DPP10: variants seen among roughly 807,000 people sequenced by gnomAD.
The protein encoded by DPP10 is inactive dipeptidyl peptidase 10.
Under a neutral mutation model 120.9 loss-of-function variants are expected in DPP10, and 33 were observed. The ratio of observed to expected loss-of-function variants is 0.27; its 90% CI spans 0.21 to 0.37. The LOEUF (loss-of-function observed/expected upper bound fraction) is 0.37. DPP10 is among the 10% of genes least tolerant of loss of function. The pLI is 1.00. For missense variants in DPP10, 816 were observed against 942.8 expected, an observed-to-expected ratio of 0.87 and a Z score of 1.76; for synonymous variants, 337 against 326.1, an observed-to-expected ratio of 1.03 and a Z score of -0.36.
chr2:115,167,012 A>G lies in DPP10; in HGVS notation c.61-142227A>G, dbSNP rs187494024. On this transcript the variant is annotated intron_variant, in intron 1 of 25. Coordinates refer to ENST00000410059, the MANE Select transcript of DPP10 (RefSeq NM_020868.6). ...AACAAATATTTATTCATCACTGTCTATGGGTTATGCACTGGAAGTCACAGA... is the reference window on the plus strand; with the variant it reads ...AACAAATATTTATTCATCACTGTCTGTGGGTTATGCACTGGAAGTCACAGA... 2.8e-4 allele frequency among the ~76,000 whole-genome samples: 42 copies of G among 152,302 alleles called. 1 individual carries two copies. The highest frequency in any genetic ancestry group is 9.9e-4 in the African/African-American group (41 of 41,566).
At chr2:115,519,051 T>A (rs1458137217) in intron 4 of DPP10, among the ~76,000 whole-genome samples, 1 of 152,194 alleles carries the variant, frequency 6.6e-6, no homozygotes, top group East Asian at 1.9e-4. Flanking sequence ...TCTTCTTTCA[T>A]CAGCCCATAA....
At chr2:115,565,770 T>TG (rs2080969533) in intron 5 of DPP10, among the ~76,000 whole-genome samples, 5 of 38,020 alleles carry the variant, frequency 1.3e-4, no homozygotes, top group South Asian at 7.8e-4. Context: ...GTTTGTTTTG[T>TG]TTTTTTTTGT....
chr2:115,687,053 TA>T (rs1341504487), intron 5 of DPP10, among the ~76,000 whole-genome samples: 2 of 151,902 alleles, frequency 1.3e-5, no homozygotes, highest in Non-Finnish European at 2.9e-5. Context: ...TGAGGAATGT[TA>T]AAAAAGAGTA....
chr2:115,060,900 C>T lies in DPP10; in HGVS notation c.61-248339C>T, dbSNP rs144994100. Among the ~76,000 whole-genome samples, 355 of 152,234 alleles carry T rather than the reference C, an allele frequency of 2.3e-3. 1 individual carries two copies. Among genetic ancestry groups the T allele is most frequent in the African/African-American group, 8.0e-3 (333 of 41,554 alleles). The stretch of plus-strand genomic sequence containing the variant: ...AAACCTATGGACAAGGTGCTCACCT[C>T]GCTTGCAAGAACAAGCTTAGTATAT... On this transcript the variant is annotated intron_variant, in intron 1 of 25. Transcript: ENST00000410059.
At chr2:114,819,524 A>G (rs550268642) in intron 1 of DPP10, among the ~76,000 whole-genome samples, 1 of 152,352 alleles carries the variant, frequency 6.6e-6, no homozygotes, top group East Asian at 1.9e-4. Flanking sequence ...TTACAAAGAA[A>G]TATTTGACAT....
chr2:115,275,508 A>G (rs1448878637), intron 1 of DPP10, among the ~76,000 whole-genome samples: 1 of 152,156 alleles, frequency 6.6e-6, no homozygotes, highest in East Asian at 1.9e-4. Flanking sequence ...AGGTTTAAAG[A>G]GTTTAAGGGA....
intron 1 of DPP10, among the ~76,000 whole-genome samples, chr2:114,959,869 T>C (rs757616502): frequency 2.0e-5 from 3 of 152,240 alleles, no homozygotes; most frequent in African/African-American, 7.2e-5. Flanking sequence ...TTTATCTTTG[T>C]TGTAGAAACA....
At chr2:115,102,194 A>T (rs1025486031) in intron 1 of DPP10, among the ~76,000 whole-genome samples, 4 of 152,128 alleles carry the variant, frequency 2.6e-5, no homozygotes, top group Admixed American at 2.0e-4. Context: ...CTGTGTCCTC[A>T]CAGGGCAGAG....
intron 1 of DPP10, among the ~76,000 whole-genome samples, chr2:114,792,279 T>A (rs1683324094): frequency 6.6e-6 from 1 of 152,212 alleles, no homozygotes; most frequent in Non-Finnish European, 1.5e-5. Context: ...AGGTTCATAA[T>A]GGCTGATAAT....
chr2:115,477,839 G>A (rs2075187431), intron 3 of DPP10, among the ~76,000 whole-genome samples: 1 of 152,134 alleles, frequency 6.6e-6, no homozygotes, highest in East Asian at 1.9e-4. Context: ...AGACATACCT[G>A]AGGCTGGGTA....
At position 115,768,401 on chromosome 2, in the gene DPP10, C is replaced by A; in HGVS notation, c.1218C>A (p.Ile406=). 6.2e-7 allele frequency: 1 copy of A among 1,611,982 alleles called. No homozygotes were observed. Among genetic ancestry groups the A allele is most frequent in the Non-Finnish European group, 8.5e-7 (1 of 1,178,486 alleles). ...GEFHHVAMFL[I]QSKSEQITVR... is the part of the protein sequence containing the mutation. ...TTCACCACGTAGCTATGTTCCTCATCCAGGTAAGTGCTGGCTTTTTTCCAT... is the reference window on the plus strand; with the variant it reads ...TTCACCACGTAGCTATGTTCCTCATACAGGTAAGTGCTGGCTTTTTTCCAT... The change falls in exon 13 of 26, where the codon ATC becomes ATA. Residue 406 remains isoleucine (I), a synonymous_variant. Coordinates refer to ENST00000410059, the MANE Select transcript of DPP10 (RefSeq NM_020868.6).
At position 115,644,137 on chromosome 2, in the gene DPP10, A is replaced by C. The variant is rs2087018344; in HGVS notation, c.442-45550A>C. 2.0e-5 allele frequency among the ~76,000 whole-genome samples: 3 copies of C among 151,954 alleles called. No homozygotes were observed. In the South Asian group the frequency reaches 6.2e-4, roughly 31 times the overall value. Reference sequence around the variant, plus strand: ...AACTTAACCATGTCTAACCCACAGGAAAATAATAGTTTCTTTTTTTAAATA... The same window carrying C: ...AACTTAACCATGTCTAACCCACAGGCAAATAATAGTTTCTTTTTTTAAATA... On this transcript the variant is annotated intron_variant, in intron 5 of 25. Coordinates refer to ENST00000410059, the MANE Select transcript of DPP10 (RefSeq NM_020868.6).
At chr2:115,445,200 CT>C (rs1323518417) in intron 3 of DPP10, among the ~76,000 whole-genome samples, 1 of 152,160 alleles carries the variant, frequency 6.6e-6, no homozygotes, top group Admixed American at 6.6e-5. Context: ...AATTAAATCT[CT>C]TTCCTTTATG....
At chr2:114,832,293 G>A (rs1035721604) in intron 1 of DPP10, among the ~76,000 whole-genome samples, 1 of 152,226 alleles carries the variant, frequency 6.6e-6, no homozygotes, top group Non-Finnish European at 1.5e-5. Context: ...CAGCACTTTT[G>A]GAGGCCGAGG....
chr2:115,198,069 T>C (rs529272137), intron 1 of DPP10, among the ~76,000 whole-genome samples: 1 of 152,340 alleles, frequency 6.6e-6, no homozygotes, highest in Non-Finnish European at 1.5e-5. Flanking sequence ...CTATTTCTTA[T>C]TCACTGTACT....
intron 5 of DPP10, among the ~76,000 whole-genome samples, chr2:115,665,541 G>A (rs920553885): frequency 3.9e-5 from 6 of 152,104 alleles, no homozygotes; most frequent in African/African-American, 1.4e-4. Flanking sequence ...AGAAAATGAA[G>A]CAACTTAAAT....
intron 5 of DPP10, among the ~76,000 whole-genome samples, chr2:115,614,449 T>C (rs2084341766): frequency 6.6e-6 from 1 of 152,256 alleles, no homozygotes; most frequent in East Asian, 1.9e-4. Flanking sequence ...TTTTTGGGAC[T>C]GAGTCTCACT....
chr2:115,035,852 C>T (rs1369562952), intron 1 of DPP10, among the ~76,000 whole-genome samples: 2 of 152,188 alleles, frequency 1.3e-5, no homozygotes, highest in African/African-American at 4.8e-5. Flanking sequence ...TATGATTACT[C>T]TTGTATTCGA....
chr2:114,849,908 C>T (rs1377123992), intron 1 of DPP10, among the ~76,000 whole-genome samples: 1 of 151,816 alleles, frequency 6.6e-6, no homozygotes, highest in Non-Finnish European at 1.5e-5. Context: ...CTGCTTTATC[C>T]CAATTTTTTC....
Sources: allele counts gnomAD v4.1 joint callset (sites outside exome capture counted in the v4.1 genomes callset), GRCh38; gene constraint gnomAD v4.1.1; transcripts MANE v1.5; gene names NCBI Gene and HGNC (gene_info 2026-07-23, HGNC 2026-07-21).